NEK11: variants seen among roughly 807,000 people sequenced by gnomAD.
The protein encoded by NEK11 is serine/threonine-protein kinase Nek11.
Under a neutral mutation model 80.7 loss-of-function variants are expected in NEK11, and 72 were observed. That is an observed-to-expected ratio of 0.89 (90% confidence interval 0.74 to 1.08). The LOEUF (loss-of-function observed/expected upper bound fraction) is 1.08. NEK11 is among the 50% of genes least tolerant of loss of function. The probability of loss-of-function intolerance (pLI) is 0.00; values close to 1 mark genes in which losing one functional copy is unlikely to be tolerated. For missense variants in NEK11, 764 were observed against 763.6 expected (o/e 1.00, Z -0.01); for synonymous variants, 251 against 260.7 (o/e 0.96, Z 0.36).
chr3:131,110,197 T>C (rs2079876408), intron 5 of NEK11, among the ~76,000 whole-genome samples: 1 of 152,184 alleles, frequency 6.6e-6, no homozygotes, highest in Non-Finnish European at 1.5e-5. Context: ...TGTCTGATCA[T>C]GTCCTGTGAA....
At chr3:131,265,443 G>A (rs867774491) in intron 16 of NEK11, among the ~76,000 whole-genome samples, 26 of 152,122 alleles carry the variant, frequency 1.7e-4, no homozygotes, top group Admixed American at 1.3e-3. Context: ...GAATTTTGTC[G>A]AAGGCCTTTT....
chr3:131,051,588 A>G (rs564932831), intron 3 of NEK11, among the ~76,000 whole-genome samples: 1 of 152,206 alleles, frequency 6.6e-6, no homozygotes, highest in Non-Finnish European at 1.5e-5. Context: ...AAGACCCTAC[A>G]TATCTCAGAT....
chr3:131,176,127 A>T (rs554232838), intron 14 of NEK11, among the ~76,000 whole-genome samples: 1 of 152,136 alleles, frequency 6.6e-6, no homozygotes, highest in Non-Finnish European at 1.5e-5. Context: ...AGGTGCACAC[A>T]TCTGAGTAGC....
At chr3:131,198,063 A>G (rs183270248) in intron 14 of NEK11, among the ~76,000 whole-genome samples, 20 of 152,308 alleles carry the variant, frequency 1.3e-4, no homozygotes, top group African/African-American at 4.1e-4. Flanking sequence ...ATGGAGGACT[A>G]GGTAAGCATA....
At chr3:131,345,746 G>A (rs1455409858) in intron 17 of NEK11, among the ~76,000 whole-genome samples, 2 of 152,110 alleles carry the variant, frequency 1.3e-5, no homozygotes, top group African/African-American at 4.8e-5. Flanking sequence ...TTCCAACATT[G>A]TTCACAATAG....
chr3:131,281,099 G>A (rs543788666), intron 17 of NEK11, among the ~76,000 whole-genome samples: 3 of 152,268 alleles, frequency 2.0e-5, no homozygotes, highest in South Asian at 2.1e-4. Flanking sequence ...CACTGTATGT[G>A]TGGGTATACA....
At chr3:131,109,633 GC>G (rs913520941) in intron 4 of NEK11, 169 bp from the exon 5 acceptor site, 4 of 640,572 alleles carry the variant, frequency 6.2e-6, no homozygotes. Context: ...TGAGAAGAGT[GC>G]TCAAAGGAAC....
At chr3:131,083,164 G>A (rs141465033) in intron 4 of NEK11, among the ~76,000 whole-genome samples, 246 of 152,332 alleles carry the variant, frequency 1.6e-3, no homozygotes, top group African/African-American at 5.6e-3. Context: ...TGAGCCCAAA[G>A]CATACTGAAT....
chr3:131,288,339 G>A (rs114998845), intron 17 of NEK11, among the ~76,000 whole-genome samples: 3,242 of 152,192 alleles, frequency 0.021, 95 homozygotes, highest in African/African-American at 0.072. Flanking sequence ...TTTAATCCTA[G>A]GGTTTGAGTT....
chr3:131,114,633 C>G (rs1468690909), intron 5 of NEK11, among the ~76,000 whole-genome samples: 1 of 152,180 alleles, frequency 6.6e-6, no homozygotes, highest in African/African-American at 2.4e-5. Context: ...CATGACCACT[C>G]TTAATGTCAG....
intron 17 of NEK11, among the ~76,000 whole-genome samples, chr3:131,332,105 G>A (rs1393710477): frequency 6.6e-6 from 1 of 152,234 alleles, no homozygotes; most frequent in Non-Finnish European, 1.5e-5. Context: ...CAGCTTTGAA[G>A]AGAGCAGTGG....
intron 5 of NEK11, among the ~76,000 whole-genome samples, chr3:131,120,475 G>A (rs191208884): frequency 6.6e-6 from 1 of 152,234 alleles, no homozygotes; most frequent in Admixed American, 6.5e-5. Flanking sequence ...CTCGTCTTGA[G>A]GAGTTTCTTT....
chr3:131,263,021 C>G (rs1433522429), intron 16 of NEK11, among the ~76,000 whole-genome samples: 1 of 152,144 alleles, frequency 6.6e-6, no homozygotes, highest in East Asian at 1.9e-4. Flanking sequence ...CCATAGTATT[C>G]CATGGCATAT....
chr3:131,129,204 CCAG>C (rs2083947227), intron 5 of NEK11, among the ~76,000 whole-genome samples: 6 of 152,070 alleles, frequency 3.9e-5, no homozygotes, highest in Non-Finnish European at 5.9e-5. Context: ...GTGCCCACCA[CCAG>C]GCCTGGCTAA....
chr3:131,079,665 A>T (rs962805925), intron 3 of NEK11, among the ~76,000 whole-genome samples: 2 of 152,160 alleles, frequency 1.3e-5, no homozygotes, highest in Admixed American at 6.5e-5. Flanking sequence ...ACAATTTTTA[A>T]ATTAATGACT....
chr3:131,070,387 G>C (rs2073051478), intron 3 of NEK11, among the ~76,000 whole-genome samples: 1 of 152,130 alleles, frequency 6.6e-6, no homozygotes, highest in Non-Finnish European at 1.5e-5. Flanking sequence ...GTGGTACTTG[G>C]AACAACCTCA....
intron 14 of NEK11, among the ~76,000 whole-genome samples, chr3:131,197,749 T>C (rs1459291202): frequency 3.3e-5 from 5 of 152,184 alleles, no homozygotes; most frequent in Non-Finnish European, 4.4e-5. Context: ...TGAGGTTCCC[T>C]ATTCTATTTT....
At chr3:131,181,971 T>C (rs1490300318) in intron 14 of NEK11, among the ~76,000 whole-genome samples, 3 of 151,662 alleles carry the variant, frequency 2.0e-5, no homozygotes, top group Non-Finnish European at 1.5e-5. Context: ...TAGAAATTTA[T>C]GATAGGCATT....
chr3:131,229,265 C>T (rs1315750258), intron 15 of NEK11, among the ~76,000 whole-genome samples: 4 of 151,638 alleles, frequency 2.6e-5, no homozygotes, highest in African/African-American at 7.3e-5. Context: ...TTAACTATAG[C>T]AAGATTAAGC....
Sources: allele counts gnomAD v4.1 joint callset (sites outside exome capture counted in the v4.1 genomes callset), GRCh38; gene constraint gnomAD v4.1.1; transcripts MANE v1.5; gene names NCBI Gene and HGNC (gene_info 2026-07-23, HGNC 2026-07-21).